Variants in LRIF1 observed in about 807,000 individuals in gnomAD.
The protein encoded by LRIF1 is ligand dependent nuclear receptor interacting factor 1, also known as ligand-dependent nuclear receptor-interacting factor 1.
In LRIF1, 32 loss-of-function variants were observed where a neutral mutation model predicts 52.7. The observed-to-expected ratio is 0.61, with a 90% confidence interval of 0.46 to 0.82. The LOEUF is 0.82. Among genes scored for constraint, LRIF1 ranks in the 40% least tolerant of loss-of-function variants. The probability of loss-of-function intolerance (pLI) is 0.00; values close to 1 mark genes in which losing one functional copy is unlikely to be tolerated. For missense variants in LRIF1, 887 were observed against 892.0 expected (o/e 0.99, Z 0.07); for synonymous variants, 323 against 317.4 (o/e 1.02, Z -0.19).
the LRIF1 span, chr1:110,894,488 G>C: frequency 5.9e-6 from 6 of 1,011,972 alleles, no homozygotes; most frequent in South Asian, 7.7e-5. Flanking sequence ...TACAGAATAA[G>C]TTCTATAATA....
chr1:110,953,167 C>G (rs1658555455), intron 1 of LRIF1, among the ~76,000 whole-genome samples: 1 of 152,000 alleles, frequency 6.6e-6, no homozygotes, highest in Non-Finnish European at 1.5e-5. Flanking sequence ...TCCTCTTGTC[C>G]TCCTCCTCTA....
chr1:110,892,539 T>G, the LRIF1 span: 1 of 1,609,312 alleles, frequency 6.2e-7, no homozygotes, highest in Non-Finnish European at 8.5e-7. Flanking sequence ...TGTCGGTGAG[T>G]CCTTACAGCA....
chr1:110,935,601 C>T, the LRIF1 span, among the ~76,000 whole-genome samples: 5 of 151,906 alleles, frequency 3.3e-5, no homozygotes, highest in African/African-American at 7.2e-5. Flanking sequence ...ATTGATCAGG[C>T]GGAAGAAAGA....
At position 110,951,468 on chromosome 1, in the gene LRIF1, TAA is replaced by T; in HGVS notation, c.1414_1415del (p.Leu472IlefsTer11). 6.2e-7 allele frequency: 1 copy of T among 1,614,176 alleles called. No individual in the cohort carries two copies. Among genetic ancestry groups the T allele is most frequent in the South Asian group, 1.1e-5 (1 of 91,082 alleles). On this transcript the variant is annotated frameshift_variant, in exon 2 of 4. Transcript: ENST00000369763. LOFTEE classifies it high-confidence loss of function. ...CAACTGGAAAGATTGGATTTGTGAA[TAA>T]AGTCTTACTCTGTTTTAAGTAGTTA... ...SSNYLKQSKT[L>X]FTNPIFPVGF...
chr1:110,888,039 G>A, the LRIF1 span, among the ~76,000 whole-genome samples: 56 of 152,274 alleles, frequency 3.7e-4, no homozygotes, highest in African/African-American at 1.3e-3. Context: ...CAGATGTGAT[G>A]ACAAAAGCAA....
At chr1:110,886,231 A>G in the LRIF1 span, among the ~76,000 whole-genome samples, 2 of 152,034 alleles carry the variant, frequency 1.3e-5, no homozygotes, top group African/African-American at 4.8e-5. Flanking sequence ...TTATCCTTAC[A>G]ATTGTTCCTT....
At chr1:110,899,846 G>C in the LRIF1 span, 1 of 152,516 alleles carries the variant, frequency 6.6e-6, no homozygotes, top group East Asian at 1.9e-4. Context: ...GAAGACTTCT[G>C]GTATTATCTC....
At chr1:110,950,222 T>G in intron 2 of LRIF1, 99 bp from the exon 3 acceptor site, 1 of 1,362,860 alleles carries the variant, frequency 7.3e-7, no homozygotes, top group Non-Finnish European at 9.9e-7. Flanking sequence ...TAAAAGAACA[T>G]ATCATGCTTT....
Position 110,951,898 on chromosome 1 carries a change from T to C in LRIF1, c.986A>G (p.Asp329Gly), listed in dbSNP as rs1557839419. The change falls in exon 2 of 4, where the codon GAT (aspartate) becomes GGT (glycine). Residue 329 changes from aspartate to glycine, a missense_variant. Physicochemically the swap from Asp to Gly is moderately conservative, Grantham distance 94. Coordinates refer to ENST00000369763, the MANE Select transcript of LRIF1 (RefSeq NM_018372.4). ...CAATGGTGGCATATTTATAGTATTATCTCCCAAATTTTTCCTATCTACAAA... is the reference window on the plus strand; with the variant it reads ...CAATGGTGGCATATTTATAGTATTACCTCCCAAATTTTTCCTATCTACAAA... Reference protein sequence around the residue: ...KTFVDRKNLGDNTINMPPLST... With the variant: ...KTFVDRKNLGGNTINMPPLST... The C allele has an allele frequency of 6.2e-7, 1 of 1,614,008 alleles. No individual in the cohort carries two copies. Among genetic ancestry groups the C allele is most frequent in the Non-Finnish European group, 8.5e-7 (1 of 1,179,976 alleles).
At chr1:110,915,733 G>C in the LRIF1 span, among the ~76,000 whole-genome samples, 1 of 152,114 alleles carries the variant, frequency 6.6e-6, no homozygotes, top group African/African-American at 2.4e-5. Flanking sequence ...TTATACACAA[G>C]GCCAGTGTTT....
At chr1:110,882,389 T>A in the LRIF1 span, among the ~76,000 whole-genome samples, 1 of 152,030 alleles carries the variant, frequency 6.6e-6, no homozygotes, top group Non-Finnish European at 1.5e-5. Flanking sequence ...TTTTTGAAAA[T>A]CAGTTGTCCA....
At chr1:110,892,257 G>A in the LRIF1 span, 1 of 950,812 alleles carries the variant, frequency 1.1e-6, no homozygotes, top group Non-Finnish European at 1.7e-6. Context: ...TAAAAATAAA[G>A]TGATTCTGAT....
chr1:110,888,149 A>G, the LRIF1 span, among the ~76,000 whole-genome samples: 4 of 152,236 alleles, frequency 2.6e-5, no homozygotes, highest in Non-Finnish European at 2.9e-5. Context: ...TTAAGAAGAA[A>G]TGTAGCCTAG....
the LRIF1 span, chr1:110,939,250 C>A: frequency 6.6e-6 from 1 of 151,532 alleles, no homozygotes; most frequent in Non-Finnish European, 1.5e-5. Flanking sequence ...TGTTGGCGGG[C>A]GCCTGTAGTC....
the LRIF1 span, among the ~76,000 whole-genome samples, chr1:110,902,517 A>AAAAAAAAAAAAAAAAAAAAAAAAAAAAG: frequency 3.8e-5 from 4 of 104,688 alleles, no homozygotes; most frequent in Non-Finnish European, 6.4e-5. Context: ...AAAAAAAAAA[A>AAAAAAAAAAAAAAAAAAAAAAAAAAAAG]AAAGAAATAC....
At chr1:110,934,534 A>G in the LRIF1 span, among the ~76,000 whole-genome samples, 1 of 152,156 alleles carries the variant, frequency 6.6e-6, no homozygotes, top group Non-Finnish European at 1.5e-5. Context: ...GGGCCTTAAG[A>G]AAACATTGGA....
intron 3 of LRIF1, 45 bp downstream of exon 3, chr1:110,949,806 T>C: frequency 6.5e-7 from 1 of 1,547,338 alleles, no homozygotes; most frequent in Non-Finnish European, 8.8e-7. Flanking sequence ...TATTCATGTA[T>C]CATTTGTAGT....
At chr1:110,902,517 A>ACAAAAAAAAAAAAAAAAAAAAAAAG in the LRIF1 span, among the ~76,000 whole-genome samples, 1 of 104,696 alleles carries the variant, frequency 9.6e-6, no homozygotes, top group Non-Finnish European at 2.1e-5. Context: ...AAAAAAAAAA[A>ACAAAAAAAAAAAAAAAAAAAAAAAG]AAAGAAATAC....
chr1:110,943,453 AAATTT>A (rs1270994728), downstream of LRIF1: 2 of 152,166 alleles, frequency 1.3e-5, no homozygotes, highest in Non-Finnish European at 2.9e-5. Flanking sequence ...AAAGGAGGCT[AAATTT>A]AAGTCAAAAA....
Sources: allele counts gnomAD v4.1 joint callset (sites outside exome capture counted in the v4.1 genomes callset), GRCh38; gene constraint gnomAD v4.1.1; transcripts MANE v1.5; gene names NCBI Gene and HGNC (gene_info 2026-07-23, HGNC 2026-07-21).